Variants in STMN2 observed in about 807,000 individuals in gnomAD.
STMN2 encodes the protein stathmin 2, also known as stathmin-2.
In STMN2, 2 loss-of-function variants were observed where a neutral mutation model predicts 24.1. The observed-to-expected ratio is 0.08, with a 90% CI of 0.03 to 0.26. The LOEUF is 0.26. Ranked by LOEUF, STMN2 falls within the 10% of genes least tolerant of loss-of-function variation. The pLI is 1.00. For missense variants in STMN2, 114 were observed against 213.6 expected, an observed-to-expected ratio of 0.53 and a Z score of 2.91; for synonymous variants, 83 against 77.5, an observed-to-expected ratio of 1.07 and a Z score of -0.37.
chr8:79,627,701 A>G (rs2130323593), intron 1 of STMN2, among the ~76,000 whole-genome samples: 1 of 151,280 alleles, frequency 6.6e-6, no homozygotes, highest in Admixed American at 6.6e-5. Flanking sequence ...TATCATATAT[A>G]TACTTATTAT....
chr8:79,648,818 G>A (rs2130374350), intron 3 of STMN2, among the ~76,000 whole-genome samples: 1 of 152,164 alleles, frequency 6.6e-6, no homozygotes, highest in African/African-American at 2.4e-5. Context: ...AGAAAAGACA[G>A]TTTGATAGGT....
intron 1 of STMN2, among the ~76,000 whole-genome samples, chr8:79,622,590 A>G (rs1372684891): frequency 6.6e-6 from 1 of 152,216 alleles, no homozygotes; most frequent in African/African-American, 2.4e-5. Context: ...TCTAGGTCAC[A>G]GCACAATAAG....
intron 1 of STMN2, among the ~76,000 whole-genome samples, chr8:79,628,679 T>C (rs1222000150): frequency 6.6e-6 from 1 of 152,212 alleles, no homozygotes; most frequent in Non-Finnish European, 1.5e-5. Flanking sequence ...TTTTTTCATA[T>C]AACTGCTGGA....
intron 4 of STMN2, among the ~76,000 whole-genome samples, chr8:79,656,729 A>C (rs1262038960): frequency 6.6e-6 from 1 of 152,186 alleles, no homozygotes; most frequent in Non-Finnish European, 1.5e-5. Flanking sequence ...AAAACAATTA[A>C]GTGAAGTTGC....
chr8:79,622,531 G>GA (rs1809541740), intron 1 of STMN2, among the ~76,000 whole-genome samples: 1 of 152,066 alleles, frequency 6.6e-6, no homozygotes, highest in Non-Finnish European at 1.5e-5. Flanking sequence ...TATCTCAAAG[G>GA]AAAAAATCCA....
chr8:79,613,131 C>T (rs973202890), intron 1 of STMN2, among the ~76,000 whole-genome samples: 6 of 152,102 alleles, frequency 3.9e-5, no homozygotes, highest in African/African-American at 1.4e-4. Context: ...CCGCGGAGCT[C>T]GGGGCTTTTT....
intron 4 of STMN2, 106 bp from the exon 5 acceptor site, chr8:79,664,709 C>T (rs1215577289): frequency 9.7e-7 from 1 of 1,028,320 alleles, no homozygotes; most frequent in Non-Finnish European, 1.3e-6. Flanking sequence ...GGGAAAAATT[C>T]ATAAAAGTAG....
chr8:79,630,081 CTG>C (rs1226225277), intron 1 of STMN2, among the ~76,000 whole-genome samples: 1 of 152,168 alleles, frequency 6.6e-6, no homozygotes, highest in African/African-American at 2.4e-5. Flanking sequence ...TAATCTGACT[CTG>C]TGTCTTCCCA....
intron 1 of STMN2, among the ~76,000 whole-genome samples, chr8:79,618,587 C>T (rs1809438767): frequency 6.6e-6 from 1 of 152,238 alleles, no homozygotes; most frequent in South Asian, 2.1e-4. Context: ...CAGGAGAGAA[C>T]TGTAGGAAGG....
At chr8:79,613,355 G>C in intron 1 of STMN2, 1 of 983,442 alleles carries the variant, frequency 1.0e-6, no homozygotes, top group African/African-American at 1.7e-5. Context: ...GCCCTGCAGA[G>C]CCCCGCGCCG....
intron 1 of STMN2, chr8:79,611,847 A>G: frequency 6.8e-6 from 3 of 440,050 alleles, no homozygotes; most frequent in Non-Finnish European, 9.0e-6. Flanking sequence ...GTTTTAGGGC[A>G]AGGGAGGGGA....
At chr8:79,639,482 G>A (rs540168805) in intron 2 of STMN2, among the ~76,000 whole-genome samples, 6 of 152,256 alleles carry the variant, frequency 3.9e-5, no homozygotes, top group African/African-American at 1.4e-4. Flanking sequence ...TGACCAGCGA[G>A]GTTCTTTTAA....
intron 1 of STMN2, among the ~76,000 whole-genome samples, chr8:79,617,677 T>C (rs771652050): frequency 4.3e-4 from 66 of 152,344 alleles, no homozygotes; most frequent in Non-Finnish European, 7.4e-4. Context: ...TATAACCTCA[T>C]TTGGAGATGA....
At chr8:79,611,319 T>C (rs2130282158) in intron 1 of STMN2, 105 bp downstream of exon 1, 1 of 1,478,096 alleles carries the variant, frequency 6.8e-7, no homozygotes, top group South Asian at 1.2e-5. Flanking sequence ...AAGAAAAAGA[T>C]GTTAATGGTA....
rs1809287339 is a variant in STMN2 at position 79,613,196 on chromosome 8, G to C, written c.19+1982G>C. On this transcript the variant is annotated intron_variant, in intron 1 of 4. Transcript: ENST00000220876. The stretch of plus-strand genomic sequence containing the variant: ...TCTGTTCTCTATGATTTTCCAGAAT[G>C]GAGACCCCGCGAGGGGCTTCTCTAA... Among the ~76,000 whole-genome samples the C allele has an allele frequency of 2.0e-5, 3 of 149,214 alleles. 1 individual carries two copies. The South Asian group carries it at 6.6e-4, about 33-fold the overall frequency.
intron 4 of STMN2, chr8:79,663,741 TAGC>T: frequency 3.4e-6 from 4 of 1,179,050 alleles, no homozygotes; most frequent in Non-Finnish European, 3.5e-6. Context: ...AACATTTATT[TAGC>T]GCCTATGATA....
chr8:79,647,183 T>G (rs1563444431), intron 3 of STMN2, among the ~76,000 whole-genome samples: 2 of 152,228 alleles, frequency 1.3e-5, no homozygotes, highest in African/African-American at 4.8e-5. Context: ...ATATTACTTT[T>G]AAATAACTAT....
chr8:79,663,471 C>A, intron 4 of STMN2: 1 of 590,430 alleles, frequency 1.7e-6, no homozygotes, highest in Non-Finnish European at 2.8e-6. Context: ...TGATGCAGGT[C>A]TGGTACACAT....
At chr8:79,633,852 T>C (rs958741235) in intron 1 of STMN2, among the ~76,000 whole-genome samples, 2 of 152,222 alleles carry the variant, frequency 1.3e-5, no homozygotes, top group Admixed American at 6.5e-5. Flanking sequence ...TAGCTTCTGA[T>C]AGTTTTTACA....
Sources: gnomAD v4.1 joint callset for allele counts (sites outside exome capture counted in the v4.1 genomes callset) on GRCh38, gnomAD v4.1.1 for gene constraint, MANE v1.5 for transcripts, NCBI Gene and HGNC (gene_info 2026-07-23, HGNC 2026-07-21) for gene names.